DLEC1: variants seen among roughly 807,000 people sequenced by gnomAD.
The protein encoded by DLEC1 is DLEC1 cilia and flagella associated protein.
DLEC1 carries 146 observed loss-of-function variants against 198.1 expected under a neutral mutation model. That is an observed-to-expected ratio of 0.74 (90% CI 0.64 to 0.85). The LOEUF (loss-of-function observed/expected upper bound fraction) is 0.85, where lower values mean the gene tolerates loss of function less well. Ranked by LOEUF, DLEC1 falls within the 40% of genes least tolerant of loss-of-function variation. DLEC1 has a pLI of 0.00. For missense variants in DLEC1, 2,233 were observed against 2,220.0 expected (o/e 1.01, Z -0.12); for synonymous variants, 897 against 866.8 (o/e 1.03, Z -0.61).
rs764981031 is a variant in DLEC1 at position 38,112,395 on chromosome 3, G to A, written c.3666+34G>A. 10 of 1,607,412 alleles carry A rather than the reference G, an allele frequency of 6.2e-6. No individual in the cohort carries two copies. Among genetic ancestry groups the A allele is most frequent in the African/African-American group, 1.3e-5 (1 of 74,914 alleles). ...ACACAAGAGGGCAGTGGCCTGGGGG[G>A]TGGAGAGTCTGCCCAGCCCTCGCCT... On this transcript the variant is annotated intron_variant, in intron 25 of 36. Transcript: ENST00000308059. The surrounding 1 kb of genome is among the most constrained non-coding windows in gnomAD (Gnocchi z 4.8).
intron 27 of DLEC1, among the ~76,000 whole-genome samples, chr3:38,115,367 G>A (rs1197424523): frequency 6.6e-6 from 1 of 152,224 alleles, no homozygotes; most frequent in African/African-American, 2.4e-5. Flanking sequence ...CTTCCCTCCT[G>A]ATGGGTGGGA....
At chr3:38,053,554 C>A (rs1205157720) in intron 2 of DLEC1, among the ~76,000 whole-genome samples, 2 of 148,700 alleles carry the variant, frequency 1.3e-5, no homozygotes, top group South Asian at 2.1e-4. Flanking sequence ...CTCCACCCGG[C>A]AGCTGCCCCG....
chr3:38,046,369 G>A (rs1426696153), intron 2 of DLEC1, among the ~76,000 whole-genome samples: 5 of 152,110 alleles, frequency 3.3e-5, no homozygotes, highest in Non-Finnish European at 7.4e-5. Context: ...TGAATCATGG[G>A]GGCAGGTTTT....
chr3:38,055,730 T>C (rs1696326233), intron 2 of DLEC1, among the ~76,000 whole-genome samples: 1 of 152,082 alleles, frequency 6.6e-6, no homozygotes, highest in African/African-American at 2.4e-5. Flanking sequence ...CAACGTGGAC[T>C]CTAAAGCTCT....
chr3:38,055,937 G>T (rs1421111443), intron 2 of DLEC1, among the ~76,000 whole-genome samples: 4 of 152,184 alleles, frequency 2.6e-5, no homozygotes. Context: ...AAGAAATTCA[G>T]GCTGATCGTG....
Position 38,053,050 on chromosome 3 carries a change from T to C in DLEC1, c.563-6692T>C, listed in dbSNP as rs1379298397. The stretch of plus-strand genomic sequence containing the variant: ...CGAGTGATCTGCCAGCCTCGGCCTC[T>C]CGAGGTGCCGGGATTGTAGACGGAG... On this transcript the variant is annotated intron_variant, in intron 2 of 36. Coordinates refer to ENST00000308059, the MANE Select transcript of DLEC1 (RefSeq NM_007335.4). 4.6e-5 allele frequency among the ~76,000 whole-genome samples: 7 copies of C among 152,256 alleles called. No homozygotes were observed. The South Asian group carries it at 1.0e-3, about 23-fold the overall frequency.
chr3:38,053,174 C>G (rs375437044), intron 2 of DLEC1, among the ~76,000 whole-genome samples: 5 of 152,224 alleles, frequency 3.3e-5, no homozygotes, highest in Non-Finnish European at 7.3e-5. Flanking sequence ...CCTTGGCCTC[C>G]CAAAGTGCCG....
intron 35 of DLEC1, 39 bp downstream of exon 35, chr3:38,121,820 A>G (rs753287600): frequency 3.9e-5 from 63 of 1,603,686 alleles, no homozygotes; most frequent in Admixed American, 2.5e-4. Flanking sequence ...GTTCCCCTAC[A>G]GGGCTGTGCC....
chr3:38,071,784 G>A, intron 6 of DLEC1, among the ~76,000 whole-genome samples: 1 of 152,362 alleles, frequency 6.6e-6, no homozygotes, highest in Admixed American at 6.5e-5. Context: ...GGACCCTTGT[G>A]TAGTGAGGGA....
chr3:38,059,707 G>A (rs776717392), intron 2 of DLEC1, 35 bp from the exon 3 acceptor site: 1 of 1,581,584 alleles, frequency 6.3e-7, no homozygotes, highest in South Asian at 1.1e-5. Flanking sequence ...CAGTCTGGCT[G>A]GAAACACCTT....
Position 38,097,173 on chromosome 3 carries a change from G to T in DLEC1, c.2341-9G>T. 1 of 1,563,180 alleles carries T rather than the reference G, an allele frequency of 6.4e-7. No individual in the cohort carries two copies. Among genetic ancestry groups the T allele is most frequent in the East Asian group, 2.4e-5 (1 of 42,058 alleles). On this transcript the variant is annotated splice_polypyrimidine_tract_variant and intron_variant, in intron 15 of 36. Transcript: ENST00000308059. ...GTAAATGGGCAGCCTGGTCTCGGGT[G>T]TCTTTCAGATGTGGAACAACAGCAA...
chr3:38,096,892 G>T (rs1453859495), intron 15 of DLEC1, among the ~76,000 whole-genome samples, 155 bp downstream of exon 15: 1 of 152,212 alleles, frequency 6.6e-6, no homozygotes, highest in Non-Finnish European at 1.5e-5. Context: ...GACTTGCACA[G>T]ATGCATAGGC....
In DLEC1 at chr3:38,114,996, G is replaced by A. The variant is rs781395680; in HGVS notation, c.3799G>A (p.Val1267Ile). ...KEPAMRFGTQ[V>I]SGGDTVTRTL... ...GTCCCCCTCCAGGTTCGGCACCCAG[G>A]TCTCCGGAGGAGACACAGTTACCCG... is the stretch of plus-strand genomic sequence containing the variant. Residue 1267 changes from valine to isoleucine, a missense_variant, in exon 27 of 37, where the codon GTC becomes ATC. Coordinates refer to ENST00000308059, the MANE Select transcript of DLEC1 (RefSeq NM_007335.4). The A allele has an allele frequency of 3.7e-6, 6 of 1,613,698 alleles. No homozygotes were observed. In the Admixed American group the frequency reaches 1.0e-4, roughly 27 times the overall value.
At chr3:38,084,462 A>AGTGG (rs1698285353) in intron 7 of DLEC1, among the ~76,000 whole-genome samples, 2 of 19,222 alleles carry the variant, frequency 1.0e-4, no homozygotes, top group African/African-American at 2.3e-4. Context: ...GGTAGTAGTA[A>AGTGG]TAGTAGTGGT....
chr3:38,095,700 A>G (rs758561099), intron 13 of DLEC1, 188 bp from the exon 14 acceptor site: 6 of 646,520 alleles, frequency 9.3e-6, no homozygotes, highest in East Asian at 2.8e-5. Context: ...GTCCTGGCTC[A>G]TGTTCTGGCA....
chr3:38,100,533 TC>T, intron 19 of DLEC1, 108 bp downstream of exon 19: 1 of 1,341,086 alleles, frequency 7.5e-7, no homozygotes, highest in Non-Finnish European at 9.7e-7. Context: ...AACTATTGAA[TC>T]CAGAAAATTA....
intron 21 of DLEC1, among the ~76,000 whole-genome samples, chr3:38,108,870 C>T (rs1417059111): frequency 3.3e-5 from 5 of 152,222 alleles, no homozygotes; most frequent in Non-Finnish European, 5.9e-5. Flanking sequence ...AGGCACTGTG[C>T]CAGGTACTAC....
intron 18 of DLEC1, among the ~76,000 whole-genome samples, chr3:38,098,932 C>A (rs1282643909): frequency 6.6e-6 from 1 of 152,214 alleles, no homozygotes; most frequent in Non-Finnish European, 1.5e-5. Context: ...CCTCCCAGGG[C>A]TCATCCATCT....
chr3:38,096,423 T>C, intron 14 of DLEC1, 146 bp from the exon 15 acceptor site: 1 of 938,036 alleles, frequency 1.1e-6, no homozygotes, highest in Non-Finnish European at 1.6e-6. Flanking sequence ...AGGCACTGGC[T>C]AATGCCTTTG....
Sources: gnomAD v4.1 joint callset for allele counts (sites outside exome capture counted in the v4.1 genomes callset) on GRCh38, gnomAD v4.1.1 for gene constraint, Gnocchi (gnomAD v3.1) non-coding constraint, MANE v1.5 for transcripts, NCBI Gene and HGNC (gene_info 2026-07-23, HGNC 2026-07-21) for gene names.